Variants in AFTPH observed in about 807,000 individuals in gnomAD.
The protein encoded by AFTPH is aftiphilin protein.
Under a neutral mutation model 72.5 loss-of-function variants are expected in AFTPH, and 7 were observed. The ratio of observed to expected loss-of-function variants is 0.10; its 90% confidence interval spans 0.05 to 0.18. The LOEUF (loss-of-function observed/expected upper bound fraction) is 0.18. Ranked by LOEUF, AFTPH falls within the 10% of genes least tolerant of loss-of-function variation. AFTPH has a pLI of 1.00. For missense variants in AFTPH, 979 were observed against 1,060.5 expected (o/e 0.92, Z 1.07); for synonymous variants, 337 against 370.1 (o/e 0.91, Z 1.03).
intron 2 of AFTPH, 122 bp downstream of exon 2, chr2:64,553,531 T>C: frequency 9.4e-7 from 1 of 1,060,464 alleles, no homozygotes. Flanking sequence ...TTATGATGTA[T>C]AATGCCTGTC....
At chr2:64,528,227 A>G (rs1669396515) in intron 1 of AFTPH, among the ~76,000 whole-genome samples, 1 of 152,240 alleles carries the variant, frequency 6.6e-6, no homozygotes, top group South Asian at 2.1e-4. Context: ...TATTTACAGT[A>G]TACCATAAAC....
intron 1 of AFTPH, among the ~76,000 whole-genome samples, chr2:64,531,027 AC>A (rs1175798183): frequency 7.2e-6 from 1 of 138,404 alleles, no homozygotes; most frequent in Non-Finnish European, 1.5e-5. Flanking sequence ...ACACCACTGC[AC>A]TCCAGTCTGG....
chr2:64,552,339 G>C, exon 2 of AFTPH: 1 of 1,614,108 alleles, frequency 6.2e-7, no homozygotes, highest in Non-Finnish European at 8.5e-7. Flanking sequence ...GGATAACAAA[G>C]GAGACACTGA....
At chr2:64,547,210 CTT>C (rs1462994159) in intron 1 of AFTPH, among the ~76,000 whole-genome samples, 1 of 152,196 alleles carries the variant, frequency 6.6e-6, no homozygotes, top group Non-Finnish European at 1.5e-5. Flanking sequence ...GCTGCGTTTA[CTT>C]CTCATGTCTC....
At chr2:64,575,185 TTC>T (rs1433962712) in intron 6 of AFTPH, among the ~76,000 whole-genome samples, 2 of 152,246 alleles carry the variant, frequency 1.3e-5, no homozygotes, top group African/African-American at 4.8e-5. Flanking sequence ...CTTATCATGT[TTC>T]TTTTATAATT....
At chr2:64,592,559 A>G (rs1673888916) in exon 9 of AFTPH, 1 of 152,636 alleles carries the variant, frequency 6.6e-6, no homozygotes, top group African/African-American at 2.4e-5. Flanking sequence ...GGCTTTTTTA[A>G]TCTTTTCAAT....
intron 4 of AFTPH, 141 bp from the exon 5 acceptor site, chr2:64,569,482 C>A: frequency 1.0e-6 from 1 of 979,208 alleles, no homozygotes; most frequent in South Asian, 1.7e-5. Context: ...ATAAAATAAC[C>A]CATATGGGCA....
chr2:64,528,464 T>C (rs1007493364), intron 1 of AFTPH, among the ~76,000 whole-genome samples: 24 of 152,128 alleles, frequency 1.6e-4, no homozygotes, highest in Non-Finnish European at 5.9e-5. Context: ...AATAAGCAAA[T>C]AGCAATAAAA....
intron 1 of AFTPH, among the ~76,000 whole-genome samples, chr2:64,527,577 T>A (rs1462448623): frequency 1.9e-5 from 2 of 103,558 alleles, no homozygotes; most frequent in African/African-American, 6.6e-5. Context: ...CAAAACATCA[T>A]CTCAAAAAAA....
intron 8 of AFTPH, among the ~76,000 whole-genome samples, chr2:64,590,107 G>A (rs1015876444): frequency 2.1e-4 from 32 of 152,098 alleles, no homozygotes; most frequent in African/African-American, 7.5e-4. Context: ...TCCTTTCTCA[G>A]CTTTGTACAA....
intron 1 of AFTPH, among the ~76,000 whole-genome samples, chr2:64,549,949 T>C (rs1157825367): frequency 6.6e-6 from 1 of 152,204 alleles, no homozygotes; most frequent in African/African-American, 2.4e-5. Context: ...CATAAAACTT[T>C]CTTCATCTTC....
intron 1 of AFTPH, among the ~76,000 whole-genome samples, chr2:64,545,972 A>G (rs1421087412): frequency 6.6e-6 from 1 of 151,864 alleles, no homozygotes; most frequent in African/African-American, 2.4e-5. Flanking sequence ...GTCTCACTGC[A>G]ACCTCTGCCT....
At chr2:64,574,548 T>G (rs1672652521) in intron 6 of AFTPH, among the ~76,000 whole-genome samples, 1 of 152,342 alleles carries the variant, frequency 6.6e-6, no homozygotes, top group Non-Finnish European at 1.5e-5. Context: ...GAACATACTT[T>G]AGAAAATGTG....
intron 8 of AFTPH, among the ~76,000 whole-genome samples, chr2:64,586,730 T>C (rs368565997): frequency 1.3e-5 from 2 of 152,264 alleles, no homozygotes; most frequent in Admixed American, 6.5e-5. Context: ...CCACCTGGCA[T>C]TGCCAAAGCC....
intron 7 of AFTPH, chr2:64,579,809 A>G (rs960650573): frequency 2.9e-6 from 1 of 340,940 alleles, no homozygotes. Context: ...ATTTTTTACA[A>G]ATATCTAGGT....
intron 5 of AFTPH, among the ~76,000 whole-genome samples, chr2:64,572,554 T>A (rs983284596): frequency 5.9e-5 from 9 of 152,230 alleles, no homozygotes; most frequent in Non-Finnish European, 1.3e-4. Context: ...CCCGAGTTGG[T>A]GCTTCTGCTT....
intron 5 of AFTPH, among the ~76,000 whole-genome samples, chr2:64,571,231 A>C (rs1341460856): frequency 6.6e-6 from 1 of 151,336 alleles, no homozygotes; most frequent in Non-Finnish European, 1.5e-5. Context: ...CACTTGGAAG[A>C]CTTGTTAAAA....
intron 3 of AFTPH, 97 bp downstream of exon 3, chr2:64,567,810 C>T (rs1672176262): frequency 3.7e-6 from 5 of 1,356,226 alleles, no homozygotes; most frequent in Admixed American, 2.3e-5. Context: ...TCAGGCCAGG[C>T]GCAGTGGATC....
intron 1 of AFTPH, among the ~76,000 whole-genome samples, chr2:64,529,786 T>C (rs7568234): frequency 0.41 from 62,319 of 151,674 alleles, 12,997 homozygotes; most frequent in African/African-American, 0.5. Flanking sequence ...CACACCACCA[T>C]GCCTGGCTAA....
Sources: allele counts gnomAD v4.1 joint callset (sites outside exome capture counted in the v4.1 genomes callset), GRCh38; gene constraint gnomAD v4.1.1; transcripts MANE v1.5; gene names NCBI Gene and HGNC (gene_info 2026-07-23, HGNC 2026-07-21).